Variants in KCNQ1 observed in about 807,000 individuals in gnomAD.
The protein encoded by KCNQ1 is potassium voltage-gated channel subfamily Q member 1, also known as potassium voltage-gated channel subfamily KQT member 1.
In KCNQ1, 49 loss-of-function variants were observed where a neutral mutation model predicts 72.4. The ratio of observed to expected loss-of-function variants is 0.68; its 90% CI spans 0.54 to 0.86. KCNQ1 has a LOEUF of 0.86. KCNQ1 is among the 40% of genes least tolerant of loss of function. KCNQ1 has a pLI of 0.00. For synonymous variants in KCNQ1, 450 were observed against 412.6 expected (o/e 1.09, Z -1.10); for missense variants, 790 against 945.1 (o/e 0.84, Z 2.15).
Position 2,445,284 on chromosome 11 carries a change from G to A in KCNQ1, c.186G>A (p.Ala62=). ...TCGCGCCCGGCGCCCCAGGTCCCGC[G>A]CCCCCTGCGTCCCCGGCCGCGCCCG... The part of the protein sequence containing the change: ...APIAPGAPGP[A]PPASPAAPAA... The change falls in exon 1 of 16, where the codon GCG becomes GCA. Residue 62 remains alanine, a synonymous_variant. Transcript: ENST00000155840. 1 of 1,315,278 alleles carries A rather than the reference G, an allele frequency of 7.6e-7. No homozygotes were observed. Among genetic ancestry groups the A allele is most frequent in the East Asian group, 3.2e-5 (1 of 31,522 alleles). 81.5% of individuals were successfully genotyped at this position (1,315,278 alleles called of 1,614,324 possible).
chr11:2,502,964 G>A (rs190753762), intron 1 of KCNQ1, among the ~76,000 whole-genome samples: 1 of 152,268 alleles, frequency 6.6e-6, no homozygotes, highest in Admixed American at 6.5e-5. Flanking sequence ...AACGATGCTG[G>A]GAAAACTGGA....
chr11:2,583,790 A>G (rs997032363), intron 7 of KCNQ1, among the ~76,000 whole-genome samples: 74 of 152,320 alleles, frequency 4.9e-4, no homozygotes, highest in African/African-American at 1.8e-3. Flanking sequence ...GTGGCTGTGC[A>G]TGGGCGCAGT....
intron 4 of KCNQ1, 63 bp downstream of exon 4, chr11:2,571,466 G>T: frequency 7.1e-7 from 1 of 1,410,598 alleles, no homozygotes. Context: ...CTCCTGAGCC[G>T]CGGGTGGTCT....
At position 2,652,357 on chromosome 11, in the gene KCNQ1, T is replaced by C; in HGVS notation, c.1394-9604T>C. 1 of 398,694 alleles carries C rather than the reference T, an allele frequency of 2.5e-6. No individual in the cohort carries two copies. The highest frequency in any genetic ancestry group is 4.4e-6 in the Non-Finnish European group (1 of 226,078). 24.7% of individuals were successfully genotyped at this position (398,694 alleles called of 1,614,324 possible). ...CTGGCACATTTCCGCGATGTTGTGA[T>C]GAAGGTGAAAAGATCGCTCTTAATT... is the stretch of plus-strand genomic sequence containing the variant. On this transcript the variant is annotated intron_variant, in intron 10 of 15. Transcript: ENST00000155840. The surrounding 1 kb of genome is among the most constrained non-coding windows in gnomAD (Gnocchi z 5.9).
chr11:2,616,633 CTTCT>C, intron 10 of KCNQ1: 1 of 398,142 alleles, frequency 2.5e-6, no homozygotes, highest in Non-Finnish European at 4.4e-6. Flanking sequence ...CTTCTGATGT[CTTCT>C]TTGACACAAT....
Position 2,475,934 on chromosome 11 carries a change from C to A in KCNQ1, c.386+30450C>A, listed in dbSNP as rs1476047702. Among the ~76,000 whole-genome samples the A allele has an allele frequency of 2.6e-5, 4 of 152,172 alleles. No individual in the cohort carries two copies. The highest frequency in any genetic ancestry group is 9.7e-5 in the African/African-American group (4 of 41,442). The stretch of plus-strand genomic sequence containing the variant: ...CATGGAACTGTAAGTCCAATTAAAC[C>A]TCTTTCTTTTGTACATTTGCTCAGT... On this transcript the variant is annotated intron_variant, in intron 1 of 15. Transcript: ENST00000155840. This position sits in a 1 kb window ranked among gnomAD's most constrained non-coding sequence, Gnocchi z 5.8.
intron 11 of KCNQ1, among the ~76,000 whole-genome samples, chr11:2,708,056 G>GT (rs1420588828): frequency 2.6e-5 from 4 of 152,226 alleles, no homozygotes; most frequent in African/African-American, 9.6e-5. Context: ...CTGTTCCCCT[G>GT]TTTCCCAAGA....
In KCNQ1 at chr11:2,588,733, G is replaced by C; in HGVS notation, c.1272G>C (p.Lys424Asn). Residue 424 changes from lysine (K) to asparagine (N), a missense_variant, in exon 10 of 16, where the codon AAG (lysine) becomes AAC (asparagine). Transcript: ENST00000155840. This position sits in a 1 kb window ranked among gnomAD's most constrained non-coding sequence, Gnocchi z 5.6. ...KSVVVKKKKF[K>N]LDKDNGVTPG... Reference sequence around the variant, plus strand: ...TTTAGGTAAAGAAAAAAAAGTTCAAGCTGGACAAAGACAATGGGGTGACTC... The same window carrying C: ...TTTAGGTAAAGAAAAAAAAGTTCAACCTGGACAAAGACAATGGGGTGACTC... 9.3e-6 allele frequency: 15 copies of C among 1,613,774 alleles called. No homozygotes were observed. The highest frequency in any genetic ancestry group is 1.3e-5 in the Non-Finnish European group (15 of 1,179,980).
At chr11:2,793,433 A>C (rs1011282424) in intron 15 of KCNQ1, among the ~76,000 whole-genome samples, 2 of 106,096 alleles carry the variant, frequency 1.9e-5, no homozygotes, top group African/African-American at 5.9e-5. Context: ...CACCCTGGGC[A>C]ACATAGCGAG....
Position 2,664,098 on chromosome 11 carries a change from T to C in KCNQ1, c.1514+2017T>C, listed in dbSNP as rs1850019435. On this transcript the variant is annotated intron_variant, in intron 11 of 15. Coordinates refer to ENST00000155840, the MANE Select transcript of KCNQ1 (RefSeq NM_000218.3). This position sits in a 1 kb window ranked among gnomAD's most constrained non-coding sequence, Gnocchi z 5.1. ...GGCCCAGGCAGGTCAGAGACTCCAG[T>C]CATTACCCAACCAGGTCCCTGCCCT... The C allele has an allele frequency of 2.5e-6, 1 of 398,576 alleles. No homozygotes were observed. The highest frequency in any genetic ancestry group is 2.1e-5 in the African/African-American group (1 of 48,622). The allele number at this position is 398,576 out of a possible 1,614,324, so 24.7% of individuals were successfully genotyped here. A position where few individuals can be genotyped will look rare whatever the true frequency, so the allele number is the denominator to read the frequency against.
intron 11 of KCNQ1, chr11:2,666,549 C>T: frequency 1.0e-5 from 4 of 398,694 alleles, no homozygotes; most frequent in Non-Finnish European, 1.8e-5. Context: ...CTAATGTCTC[C>T]TGAATTCTGC....
At chr11:2,470,602 T>A (rs1846432299) in intron 1 of KCNQ1, among the ~76,000 whole-genome samples, 2 of 150,160 alleles carry the variant, frequency 1.3e-5, no homozygotes, top group Non-Finnish European at 3.0e-5. Context: ...AGGGAGGGGG[T>A]GTGATGATAC....
intron 1 of KCNQ1, among the ~76,000 whole-genome samples, chr11:2,456,791 T>C: frequency 8.3e-6 from 1 of 120,858 alleles, no homozygotes; most frequent in East Asian, 2.3e-4. Context: ...AAAAAAAAAT[T>C]AGCCGGGCGT....
rs1564786482 is a variant in KCNQ1 at position 2,458,373 on chromosome 11, G to A, written c.386+12889G>A. On this transcript the variant is annotated intron_variant, in intron 1 of 15. Coordinates refer to ENST00000155840, the MANE Select transcript of KCNQ1 (RefSeq NM_000218.3). The surrounding 1 kb of genome is among the most constrained non-coding windows in gnomAD (Gnocchi z 4.6). Reference sequence around the variant, plus strand: ...TGATGTTGAATCCTGGCAAGCAAACGGAGAGAATCTGACATGTGTCCCAGT... The same window carrying A: ...TGATGTTGAATCCTGGCAAGCAAACAGAGAGAATCTGACATGTGTCCCAGT... Among the ~76,000 whole-genome samples, 1 of 152,192 alleles carries A rather than the reference G, an allele frequency of 6.6e-6. No individual in the cohort carries two copies.
At chr11:2,532,093 G>C (rs72847667) in intron 2 of KCNQ1, among the ~76,000 whole-genome samples, 4,865 of 152,244 alleles carry the variant, frequency 0.032, 93 homozygotes, top group Non-Finnish European at 0.048. Flanking sequence ...TCAGCCTCTT[G>C]TCAGGTTTCA....
chr11:2,716,704 C>T (rs909404976), intron 11 of KCNQ1, among the ~76,000 whole-genome samples: 1 of 152,262 alleles, frequency 6.6e-6, no homozygotes, highest in African/African-American at 2.4e-5. Context: ...CTACGGAAGG[C>T]AGCCGTGAAA....
rs542309041 is a variant in KCNQ1 at position 2,489,579 on chromosome 11, C to A, written c.387-38349C>A. ...GTGAGACACCAGCCAGGGTGGCTAA[C>A]CCCAGGCAGCACAGCTCACAGAAAC... On this transcript the variant is annotated intron_variant, in intron 1 of 15. Transcript: ENST00000155840. Among the ~76,000 whole-genome samples, 33 of 152,290 alleles carry A rather than the reference C, an allele frequency of 2.2e-4. No homozygotes were observed. The South Asian group carries it at 6.4e-3, about 30-fold the overall frequency.
intron 1 of KCNQ1, among the ~76,000 whole-genome samples, chr11:2,470,803 C>T (rs56075656): frequency 6.6e-6 from 1 of 152,076 alleles, no homozygotes; most frequent in Non-Finnish European, 1.5e-5. Flanking sequence ...GCCTCCCATT[C>T]TCTTAATAGT....
chr11:2,761,361 G>A (rs536281640), intron 11 of KCNQ1, among the ~76,000 whole-genome samples: 79 of 152,110 alleles, frequency 5.2e-4, no homozygotes, highest in Middle Eastern at 3.4e-3. Flanking sequence ...TTCTTCTGCC[G>A]ATGTGTTCCT....
Sources: allele counts gnomAD v4.1 joint callset (sites outside exome capture counted in the v4.1 genomes callset), GRCh38; gene constraint gnomAD v4.1.1; non-coding constraint Gnocchi (gnomAD v3.1); transcripts MANE v1.5; gene names NCBI Gene and HGNC (gene_info 2026-07-23, HGNC 2026-07-21).